DPYD: variants seen among roughly 807,000 people sequenced by gnomAD.
DPYD encodes the protein dihydropyrimidine dehydrogenase [NADP(+)].
DPYD carries 109 observed loss-of-function variants against 116.2 expected under a neutral mutation model. That is an observed-to-expected ratio of 0.94 (90% CI 0.80 to 1.10). The LOEUF (loss-of-function observed/expected upper bound fraction) is 1.10. Among genes scored for constraint, DPYD ranks in the 50% least tolerant of loss-of-function variants. DPYD has a pLI of 0.00. For synonymous variants in DPYD, 440 were observed against 432.0 expected (o/e 1.02, Z -0.23); for missense variants, 1,302 against 1,254.5 (o/e 1.04, Z -0.57).
At chr1:97,716,458 T>C (rs1241164747) in intron 5 of DPYD, among the ~76,000 whole-genome samples, 1 of 151,908 alleles carries the variant, frequency 6.6e-6, no homozygotes, top group African/African-American at 2.4e-5. Context: ...CTCCAAACCC[T>C]GCCAAAAAAA....
chr1:97,406,818 A>G (rs904364224), intron 14 of DPYD, among the ~76,000 whole-genome samples: 8 of 152,156 alleles, frequency 5.3e-5, no homozygotes, highest in South Asian at 4.1e-4. Context: ...GAGTTGTTCT[A>G]TCACTTTTGA....
At chr1:97,605,537 G>C (rs992176745) in intron 8 of DPYD, among the ~76,000 whole-genome samples, 1 of 151,998 alleles carries the variant, frequency 6.6e-6, no homozygotes, top group Non-Finnish European at 1.5e-5. Flanking sequence ...GGCCTCCCCA[G>C]CAATGTGAAA....
At chr1:97,127,696 C>T (rs1362908950) in intron 20 of DPYD, among the ~76,000 whole-genome samples, 1 of 152,114 alleles carries the variant, frequency 6.6e-6, no homozygotes, top group African/African-American at 2.4e-5. Context: ...CTTTCCAGTA[C>T]TAATTTACTT....
chr1:97,635,167 T>C (rs967786044), intron 8 of DPYD, among the ~76,000 whole-genome samples: 2 of 151,910 alleles, frequency 1.3e-5, no homozygotes, highest in Non-Finnish European at 2.9e-5. Flanking sequence ...GCACTGACCA[T>C]AGAGGACACT....
chr1:97,375,154 G>T (rs1342760341), intron 15 of DPYD, among the ~76,000 whole-genome samples: 2 of 151,854 alleles, frequency 1.3e-5, no homozygotes, highest in African/African-American at 4.8e-5. Flanking sequence ...TTATTTTTCG[G>T]TAAGGCCAAC....
intron 13 of DPYD, among the ~76,000 whole-genome samples, chr1:97,502,900 G>A (rs1218817580): frequency 6.6e-6 from 1 of 151,886 alleles, no homozygotes; most frequent in African/African-American, 2.4e-5. Context: ...AGGCAGAGCA[G>A]GTATTATGGT....
intron 14 of DPYD, among the ~76,000 whole-genome samples, chr1:97,426,009 A>G (rs1674846967): frequency 1.3e-5 from 2 of 151,836 alleles, no homozygotes; most frequent in South Asian, 2.1e-4. Flanking sequence ...GTGTTATTAC[A>G]TTATTATTCT....
chr1:97,449,361 G>A (rs1676270098), intron 14 of DPYD, among the ~76,000 whole-genome samples: 1 of 152,034 alleles, frequency 6.6e-6, no homozygotes. Context: ...AATTGAGGAG[G>A]AGGGAGGGGA....
chr1:97,784,287 C>A (rs1666905640), intron 3 of DPYD, among the ~76,000 whole-genome samples: 1 of 151,660 alleles, frequency 6.6e-6, no homozygotes, highest in Non-Finnish European at 1.5e-5. Flanking sequence ...AAAAAAATTA[C>A]TCTTACAGTG....
intron 18 of DPYD, among the ~76,000 whole-genome samples, chr1:97,251,632 T>C (rs866388231): frequency 6.6e-6 from 1 of 151,994 alleles, no homozygotes; most frequent in Non-Finnish European, 1.5e-5. Flanking sequence ...ATATATCACA[T>C]ATAAGCACGT....
intron 14 of DPYD, among the ~76,000 whole-genome samples, chr1:97,434,127 C>A (rs975858533): frequency 6.6e-6 from 1 of 151,984 alleles, no homozygotes; most frequent in Admixed American, 6.6e-5. Context: ...AAAAGCAGCA[C>A]AAAGTTAAAT....
chr1:97,675,382 GA>G (rs1441029183), intron 8 of DPYD, among the ~76,000 whole-genome samples: 1 of 152,106 alleles, frequency 6.6e-6, no homozygotes, highest in African/African-American at 2.4e-5. Context: ...GACTAATTTT[GA>G]ATAAGACATA....
intron 18 of DPYD, among the ~76,000 whole-genome samples, chr1:97,259,418 G>A (rs139897742): frequency 6.6e-6 from 1 of 152,142 alleles, no homozygotes; most frequent in East Asian, 1.9e-4. Context: ...CTTTCACCCA[G>A]GCTGGAGTAC....
At chr1:97,709,790 G>A (rs945545599) in intron 5 of DPYD, among the ~76,000 whole-genome samples, 3 of 151,604 alleles carry the variant, frequency 2.0e-5, no homozygotes, top group African/African-American at 7.3e-5. Context: ...CAAATTTGAG[G>A]GTAACTCTTG....
intron 16 of DPYD, among the ~76,000 whole-genome samples, chr1:97,319,626 G>A (rs1668109545): frequency 7.9e-6 from 1 of 126,848 alleles, no homozygotes; most frequent in Non-Finnish European, 1.6e-5. Context: ...GGACCACATG[G>A]ATTCACAGCC....
intron 18 of DPYD, among the ~76,000 whole-genome samples, chr1:97,298,717 C>T (rs557303809): frequency 2.0e-5 from 3 of 152,206 alleles, no homozygotes; most frequent in East Asian, 1.9e-4. Context: ...TTTAGGACGA[C>T]GAATGGATAG....
chr1:97,733,935 T>C (rs1335929708), intron 4 of DPYD, among the ~76,000 whole-genome samples: 3 of 152,018 alleles, frequency 2.0e-5, no homozygotes, highest in African/African-American at 4.8e-5. Flanking sequence ...TAGTCACTTA[T>C]ATGACTTCTA....
At chr1:97,583,768 T>C (rs1010140261) in intron 10 of DPYD, among the ~76,000 whole-genome samples, 2 of 152,182 alleles carry the variant, frequency 1.3e-5, no homozygotes, top group Admixed American at 1.3e-4. Flanking sequence ...CGCAATATTT[T>C]TTTTAACAGT....
chr1:97,523,091 T>C (rs1648805747), intron 12 of DPYD, among the ~76,000 whole-genome samples: 1 of 152,092 alleles, frequency 6.6e-6, no homozygotes, highest in South Asian at 2.1e-4. Flanking sequence ...GACATCACCA[T>C]GACCTCTTTG....
Sources: gnomAD v4.1 joint callset for allele counts (sites outside exome capture counted in the v4.1 genomes callset) on GRCh38, gnomAD v4.1.1 for gene constraint, MANE v1.5 for transcripts, NCBI Gene and HGNC (gene_info 2026-07-23, HGNC 2026-07-21) for gene names.